Variants in PRMT8 observed in about 807,000 individuals in gnomAD.
PRMT8 encodes protein arginine methyltransferase 8.
Under a neutral mutation model 47.1 loss-of-function variants are expected in PRMT8, and 7 were observed. The ratio of observed to expected loss-of-function variants is 0.15; its 90% CI spans 0.08 to 0.28. PRMT8 has a LOEUF of 0.28. Ranked by LOEUF, PRMT8 falls within the 10% of genes least tolerant of loss-of-function variation. The pLI is 1.00. For missense variants in PRMT8, 237 were observed against 505.4 expected, an observed-to-expected ratio of 0.47 and a Z score of 5.09; for synonymous variants, 188 against 186.5, an observed-to-expected ratio of 1.01 and a Z score of -0.07.
chr12:3,515,916 C>T (rs555435211), intron 1 of PRMT8, among the ~76,000 whole-genome samples: 30 of 152,308 alleles, frequency 2.0e-4, no homozygotes, highest in African/African-American at 7.0e-4. Flanking sequence ...ACCTATTTGT[C>T]CTGGCTCTGT....
chr12:3,589,860 G>A (rs12823547), intron 8 of PRMT8, among the ~76,000 whole-genome samples: 3,246 of 152,332 alleles, frequency 0.021, 55 homozygotes, highest in East Asian at 0.037. Flanking sequence ...TTAGGTGACA[G>A]AAGGAGGCTG....
chr12:3,530,983 G>A (rs1173263599), intron 1 of PRMT8, among the ~76,000 whole-genome samples: 3 of 152,190 alleles, frequency 2.0e-5, no homozygotes, highest in Non-Finnish European at 4.4e-5. Context: ...CATGAACAGG[G>A]AAGGAGAGAA....
intron 1 of PRMT8, among the ~76,000 whole-genome samples, chr12:3,424,738 G>A (rs1864583372): frequency 6.6e-6 from 1 of 152,050 alleles, no homozygotes; most frequent in South Asian, 2.1e-4. Context: ...TTTCCTTTTA[G>A]GGTCCTTGTT....
chr12:3,569,363 T>C lies in PRMT8; in HGVS notation c.625-114T>C. The C allele has an allele frequency of 1.2e-6, 1 of 863,202 alleles. No individual in the cohort carries two copies. The highest frequency in any genetic ancestry group is 1.8e-5 in the Admixed American group (1 of 54,866). The allele number at this position is 863,202 out of a possible 1,614,324, so 53.5% of individuals were successfully genotyped here. ...CCAGACAAGGTGACAGTCCACTGCA[T>C]GAGAGATGGTGGCAAGGGGGTGCTT... On this transcript the variant is annotated intron_variant, in intron 5 of 9. Coordinates refer to ENST00000382622, the MANE Select transcript of PRMT8 (RefSeq NM_019854.5). The surrounding 1 kb of genome is among the most constrained non-coding windows in gnomAD (Gnocchi z 8.2).
intron 2 of PRMT8, among the ~76,000 whole-genome samples, chr12:3,542,313 G>A (rs1489250927): frequency 6.6e-6 from 1 of 152,196 alleles, no homozygotes; most frequent in Non-Finnish European, 1.5e-5. Context: ...AGGAGGGCCT[G>A]GACAGCTGAG....
intron 1 of PRMT8, among the ~76,000 whole-genome samples, chr12:3,452,316 AAC>A (rs10630697): frequency 4.0e-5 from 6 of 150,156 alleles, no homozygotes; most frequent in Admixed American, 6.6e-5. Flanking sequence ...ACCTAAATTA[AAC>A]ACACACACAC....
At chr12:3,516,220 G>T (rs1438464658) in intron 1 of PRMT8, among the ~76,000 whole-genome samples, 1 of 152,222 alleles carries the variant, frequency 6.6e-6, no homozygotes. Flanking sequence ...CTGGCATGTG[G>T]CAGACTGGGT....
intron 2 of PRMT8, among the ~76,000 whole-genome samples, chr12:3,541,494 C>A (rs558186281): frequency 6.6e-6 from 1 of 152,316 alleles, no homozygotes; most frequent in African/African-American, 2.4e-5. Context: ...TGAGTGCTTG[C>A]TAAGTGACAG....
chr12:3,408,467 A>T (rs1864395115), intron 1 of PRMT8, among the ~76,000 whole-genome samples: 1 of 152,040 alleles, frequency 6.6e-6, no homozygotes, highest in South Asian at 2.1e-4. Flanking sequence ...AAACTCATGG[A>T]CTCAAGCGAT....
chr12:3,486,813 T>C (rs1203163132), upstream of PRMT8, among the ~76,000 whole-genome samples: 1 of 152,186 alleles, frequency 6.6e-6, no homozygotes, highest in African/African-American at 2.4e-5. Flanking sequence ...TTAAAGCAAA[T>C]AGTATCATAT....
In PRMT8 at chr12:3,409,643, G is replaced by A. The variant is rs904210658; in HGVS notation, c.48+28201G>A. Among the ~76,000 whole-genome samples the A allele has an allele frequency of 1.3e-5, 2 of 152,112 alleles. No homozygotes were observed. The highest frequency in any genetic ancestry group is 4.8e-5 in the African/African-American group (2 of 41,416). On this transcript the variant is annotated intron_variant, in intron 1 of 9. Coordinates refer to the PRMT8 transcript ENST00000452611. This position sits in a 1 kb window ranked among gnomAD's most constrained non-coding sequence, Gnocchi z 4.4. Reference sequence around the variant, plus strand: ...TTTGGCCTGGGGGCGGGGGTGAGGTGTCCCATCTCAGTCAATGCTCTGTTT... The same window carrying A: ...TTTGGCCTGGGGGCGGGGGTGAGGTATCCCATCTCAGTCAATGCTCTGTTT...
intron 3 of PRMT8, chr12:3,553,263 G>T: frequency 3.6e-6 from 1 of 276,354 alleles, no homozygotes; most frequent in Non-Finnish European, 6.9e-6. Flanking sequence ...GGAGGATCAT[G>T]TCGAGGGAGG....
chr12:3,559,341 A>G (rs1301938498), intron 4 of PRMT8, among the ~76,000 whole-genome samples: 2 of 152,054 alleles, frequency 1.3e-5, no homozygotes. Context: ...CCTGATTCCA[A>G]TTAGTGGACC....
chr12:3,410,001 C>T (rs1864410395), intron 1 of PRMT8, among the ~76,000 whole-genome samples: 1 of 152,180 alleles, frequency 6.6e-6, no homozygotes, highest in Admixed American at 6.5e-5. Flanking sequence ...CAGCCTGTTA[C>T]CTCTGGTTAG....
rs1358362524 is a variant in PRMT8, at chr12:3,593,943, T to G, written c.*761T>G. The G allele has an allele frequency of 1.3e-5, 2 of 152,876 alleles. No homozygotes were observed. Among genetic ancestry groups the G allele is most frequent in the Admixed American group, 6.5e-5 (1 of 15,288 alleles). The allele number at this position is 152,876 out of a possible 1,614,324, so 9.5% of individuals were successfully genotyped here. A position where few individuals can be genotyped will look rare whatever the true frequency, so the allele number is the denominator to read the frequency against. On this transcript the variant is annotated 3_prime_UTR_variant, in exon 10 of 10. Coordinates refer to ENST00000382622, the MANE Select transcript of PRMT8 (RefSeq NM_019854.5). This position sits in a 1 kb window ranked among gnomAD's most constrained non-coding sequence, Gnocchi z 4.8. Reference sequence around the variant, plus strand: ...CTTGAGCATAGTACCACGGACTCCGTGGGCGCTCAATAAACACACATGAGA... The same window carrying G: ...CTTGAGCATAGTACCACGGACTCCGGGGGCGCTCAATAAACACACATGAGA...
chr12:3,540,336 G>C (rs1367273160), intron 1 of PRMT8, among the ~76,000 whole-genome samples: 1 of 152,166 alleles, frequency 6.6e-6, no homozygotes, highest in East Asian at 1.9e-4. Context: ...ACTGAGGCCT[G>C]CATTGCTCAG....
chr12:3,454,636 G>A (rs1243088460), intron 1 of PRMT8, among the ~76,000 whole-genome samples: 1 of 152,080 alleles, frequency 6.6e-6, no homozygotes, highest in Non-Finnish European at 1.5e-5. Flanking sequence ...AGCACTCCCA[G>A]TGAAACCACC....
In PRMT8 at chr12:3,395,421, T is replaced by C. The variant is rs1161724929; in HGVS notation, c.48+13979T>C. Among the ~76,000 whole-genome samples the C allele has an allele frequency of 5.1e-4, 76 of 150,314 alleles. No individual in the cohort carries two copies. In the Middle Eastern group the frequency reaches 0.022, roughly 43 times the overall value. On this transcript the variant is annotated intron_variant, in intron 1 of 9. Coordinates refer to the PRMT8 transcript ENST00000452611. ...ATTCTGGTATGTTGTGTCTTTGTTC[T>C]TGTTGGTTTCAAAGAACATCTTTAT...
At chr12:3,460,917 G>A (rs1865034166) in intron 1 of PRMT8, among the ~76,000 whole-genome samples, 2 of 152,200 alleles carry the variant, frequency 1.3e-5, no homozygotes, top group Admixed American at 1.3e-4. Flanking sequence ...CAGTGGAAGA[G>A]AAGACAGAAG....
Sources: allele counts gnomAD v4.1 joint callset (sites outside exome capture counted in the v4.1 genomes callset), GRCh38; gene constraint gnomAD v4.1.1; non-coding constraint Gnocchi (gnomAD v3.1); transcripts MANE v1.5; gene names NCBI Gene and HGNC (gene_info 2026-07-23, HGNC 2026-07-21).